Variants in GABRA5 observed in about 807,000 individuals in gnomAD.
The protein encoded by GABRA5 is gamma-aminobutyric acid type A receptor subunit alpha5, also known as gamma-aminobutyric acid receptor subunit alpha-5.
Under a neutral mutation model 47.3 loss-of-function variants are expected in GABRA5, and 18 were observed. The observed-to-expected ratio is 0.38, with a 90% CI of 0.26 to 0.56. GABRA5 has a LOEUF of 0.56. Ranked by LOEUF, GABRA5 falls within the 20% of genes least tolerant of loss-of-function variation. The probability of loss-of-function intolerance (pLI) is 0.71; values close to 1 mark genes in which losing one functional copy is unlikely to be tolerated. For synonymous variants in GABRA5, 237 were observed against 229.3 expected (o/e 1.03, Z -0.30); for missense variants, 365 against 599.3 (o/e 0.61, Z 4.08).
At chr15:26,888,604 G>C (rs1194440127) in intron 6 of GABRA5, among the ~76,000 whole-genome samples, 2 of 152,160 alleles carry the variant, frequency 1.3e-5, no homozygotes, top group East Asian at 3.9e-4. Context: ...CAGGTCCATA[G>C]TCCCCTCCAG....
intron 6 of GABRA5, among the ~76,000 whole-genome samples, chr15:26,896,070 A>C (rs988420544): frequency 1.3e-5 from 2 of 152,050 alleles, no homozygotes; most frequent in Non-Finnish European, 2.9e-5. Context: ...CCCTTCAGTC[A>C]TTCCCTTGCT....
chr15:26,894,781 T>C (rs12899224), intron 6 of GABRA5, among the ~76,000 whole-genome samples: 129,321 of 152,124 alleles, frequency 0.85, 55,292 homozygotes, highest in Non-Finnish European at 0.9. Context: ...CTTTCTGAAG[T>C]CCCGCGGATC....
intron 7 of GABRA5, among the ~76,000 whole-genome samples, chr15:26,923,924 A>G (rs1388906627): frequency 3.3e-5 from 5 of 150,680 alleles, no homozygotes; most frequent in African/African-American, 4.9e-5. Context: ...TTTTTTTTCT[A>G]TAGCTTCTGT....
At chr15:26,870,154 C>T (rs1010958612) in intron 3 of GABRA5, among the ~76,000 whole-genome samples, 4 of 152,106 alleles carry the variant, frequency 2.6e-5, no homozygotes, top group Non-Finnish European at 2.9e-5. Flanking sequence ...AAAATGGGGT[C>T]CAGAGGTTTC....
At chr15:26,899,869 T>G (rs1212608762) in intron 6 of GABRA5, among the ~76,000 whole-genome samples, 1 of 152,154 alleles carries the variant, frequency 6.6e-6, no homozygotes, top group African/African-American at 2.4e-5. Flanking sequence ...AATTGAAGTA[T>G]TTAGTCCATT....
chr15:26,879,477 G>A (rs1213338373), intron 3 of GABRA5, among the ~76,000 whole-genome samples: 1 of 152,166 alleles, frequency 6.6e-6, no homozygotes, highest in Non-Finnish European at 1.5e-5. Flanking sequence ...AGTTAAAAAA[G>A]TATACATCTG....
intron 9 of GABRA5, among the ~76,000 whole-genome samples, chr15:26,940,801 C>CT (rs1478570525): frequency 6.6e-6 from 1 of 152,156 alleles, no homozygotes; most frequent in Non-Finnish European, 1.5e-5. Flanking sequence ...TGGGAGAGCT[C>CT]TAACTCAGGA....
intron 9 of GABRA5, among the ~76,000 whole-genome samples, chr15:26,942,086 A>T (rs1258089656): frequency 1.3e-5 from 2 of 152,158 alleles, no homozygotes; most frequent in East Asian, 3.9e-4. Flanking sequence ...GTGAACTGCG[A>T]GAGTCCAGCA....
chr15:26,946,031 G>C (rs750019605), intron 10 of GABRA5, among the ~76,000 whole-genome samples: 1 of 152,166 alleles, frequency 6.6e-6, no homozygotes, highest in Non-Finnish European at 1.5e-5. Context: ...TCGCATTTCC[G>C]AGGTGTGGCC....
At chr15:26,917,282 A>C (rs1373878243) in intron 7 of GABRA5, among the ~76,000 whole-genome samples, 1 of 152,086 alleles carries the variant, frequency 6.6e-6, no homozygotes, top group Non-Finnish European at 1.5e-5. Context: ...TTTTATCATG[A>C]AAGGGTGTGG....
intron 6 of GABRA5, among the ~76,000 whole-genome samples, chr15:26,912,000 G>C (rs921736600): frequency 6.6e-6 from 1 of 152,176 alleles, no homozygotes; most frequent in Non-Finnish European, 1.5e-5. Context: ...TGCTGGTTGA[G>C]GTCTTCAGTA....
Position 26,906,699 on chromosome 15 carries a change from T to A in GABRA5, c.498-8104T>A, listed in dbSNP as rs187303278. 2.6e-3 allele frequency among the ~76,000 whole-genome samples: 401 copies of A among 152,288 alleles called. 8 individuals are homozygous for A. The highest frequency in any genetic ancestry group is 5.7e-4 in the Non-Finnish European group (39 of 68,020). Reference sequence around the variant, plus strand: ...GTGCTGTTTCTCTTTTGTAGTATTTTAAAAAAATCATTCAGGCTTATGTGT... The same window carrying A: ...GTGCTGTTTCTCTTTTGTAGTATTTAAAAAAAATCATTCAGGCTTATGTGT... On this transcript the variant is annotated intron_variant, in intron 6 of 10. Transcript: ENST00000335625.
In GABRA5 at chr15:26,937,288, G is replaced by T. The variant is rs901753362; in HGVS notation, c.684G>T (p.Met228Ile). 6.2e-7 allele frequency: 1 copy of T among 1,613,772 alleles called. No individual in the cohort carries two copies. The highest frequency in any genetic ancestry group is 8.5e-7 in the Non-Finnish European group (1 of 1,179,782). ...CCAGACTGAACCAGTACCACCTGAT[G>T]GGGCAGACGGTGGGCACTGAGAACA... Reference protein sequence around the residue: ...DGSRLNQYHLMGQTVGTENIS... With the variant: ...DGSRLNQYHLIGQTVGTENIS... Residue 228 changes from methionine (M) to isoleucine (I), a missense_variant, in exon 8 of 11, where the codon ATG becomes ATT. Met to Ile is a conservative substitution (Grantham distance 10). Coordinates refer to ENST00000335625, the MANE Select transcript of GABRA5 (RefSeq NM_000810.4).
chr15:26,938,492 C>A (rs1180117291), intron 8 of GABRA5, among the ~76,000 whole-genome samples: 1 of 151,916 alleles, frequency 6.6e-6, no homozygotes, highest in Non-Finnish European at 1.5e-5. Context: ...ATTTTCCTAC[C>A]CTCAACTCAA....
intron 6 of GABRA5, among the ~76,000 whole-genome samples, chr15:26,893,241 AGT>A (rs1194034330): frequency 2.7e-5 from 1 of 36,486 alleles, no homozygotes; most frequent in Non-Finnish European, 6.2e-5. Flanking sequence ...GTGTGGCGTG[AGT>A]GTATATGGTG....
intron 3 of GABRA5, among the ~76,000 whole-genome samples, chr15:26,876,370 G>A (rs1245724991): frequency 6.6e-6 from 1 of 152,206 alleles, no homozygotes; most frequent in Non-Finnish European, 1.5e-5. Flanking sequence ...AAAGGAAAGG[G>A]TGTCTGGATC....
intron 3 of GABRA5, among the ~76,000 whole-genome samples, chr15:26,870,349 TG>T (rs1892434970): frequency 6.6e-6 from 1 of 152,150 alleles, no homozygotes; most frequent in Non-Finnish European, 1.5e-5. Flanking sequence ...GGGGTGGGTG[TG>T]GGGGCCTTGC....
At chr15:26,879,780 G>A (rs551871969) in intron 3 of GABRA5, among the ~76,000 whole-genome samples, 11 of 152,270 alleles carry the variant, frequency 7.2e-5, no homozygotes, top group African/African-American at 2.4e-4. Flanking sequence ...TCATGGGAGA[G>A]AAAGCACTTT....
intron 7 of GABRA5, 86 bp downstream of exon 7, chr15:26,914,971 A>G (rs962754396): frequency 9.9e-6 from 10 of 1,013,738 alleles, no homozygotes; most frequent in South Asian, 7.9e-5. Context: ...GGTTCTGCAT[A>G]TACATAAGCA....
Sources: gnomAD v4.1 joint callset for allele counts (sites outside exome capture counted in the v4.1 genomes callset) on GRCh38, gnomAD v4.1.1 for gene constraint, MANE v1.5 for transcripts, NCBI Gene and HGNC (gene_info 2026-07-23, HGNC 2026-07-21) for gene names.